APBB2: variants seen among roughly 807,000 people sequenced by gnomAD.
APBB2 encodes amyloid beta precursor protein binding family B member 2, also known as Fe65-like 1.
A neutral mutation model predicts 82.5 loss-of-function variants in APBB2; 38 were observed. The ratio of observed to expected loss-of-function variants is 0.46; its 90% confidence interval spans 0.36 to 0.60. APBB2 has a LOEUF of 0.60. Ranked by LOEUF, APBB2 falls within the 20% of genes least tolerant of loss-of-function variation. The pLI is 0.00. For missense variants in APBB2, 772 were observed against 972.3 expected, an observed-to-expected ratio of 0.79 and a Z score of 2.74; for synonymous variants, 341 against 368.2, an observed-to-expected ratio of 0.93 and a Z score of 0.85.
intron 14 of APBB2, 108 bp downstream of exon 14, chr4:40,827,024 G>T (rs906987821): frequency 5.1e-6 from 5 of 979,792 alleles, no homozygotes; most frequent in Non-Finnish European, 7.8e-6. Flanking sequence ...ACTGAGTTGA[G>T]TGTGCTCTTT....
chr4:40,893,228 A>T (rs1363094028), intron 11 of APBB2, 37 bp downstream of exon 11: 3 of 1,602,554 alleles, frequency 1.9e-6, no homozygotes, highest in Non-Finnish European at 2.6e-6. Flanking sequence ...AGGAGAACGT[A>T]AACAGCCTGC....
intron 1 of APBB2, among the ~76,000 whole-genome samples, chr4:41,160,645 A>G (rs1207287012): frequency 6.6e-6 from 1 of 152,082 alleles, no homozygotes; most frequent in Non-Finnish European, 1.5e-5. Context: ...TTTGGTGACT[A>G]ACTCCCTTCC....
At chr4:40,973,824 T>TCG (rs1179672767) in intron 6 of APBB2, among the ~76,000 whole-genome samples, 1 of 151,708 alleles carries the variant, frequency 6.6e-6, no homozygotes, top group Non-Finnish European at 1.5e-5. Flanking sequence ...TTCTCTTTCT[T>TCG]CTGTGTGTGT....
intron 2 of APBB2, among the ~76,000 whole-genome samples, chr4:41,135,134 A>G (rs1560842778): frequency 1.3e-5 from 2 of 151,392 alleles, no homozygotes; most frequent in Non-Finnish European, 2.9e-5. Flanking sequence ...CCAGAAAAAA[A>G]GCCACAGCAG....
At chr4:41,190,513 C>G (rs1002252123) in intron 1 of APBB2, among the ~76,000 whole-genome samples, 1 of 151,976 alleles carries the variant, frequency 6.6e-6, no homozygotes, top group Admixed American at 6.6e-5. Flanking sequence ...CCTCCCAAAG[C>G]TCTGGGATTA....
chr4:40,862,674 G>C (rs1052423944), intron 12 of APBB2, among the ~76,000 whole-genome samples: 1 of 152,172 alleles, frequency 6.6e-6, no homozygotes, highest in African/African-American at 2.4e-5. Context: ...GCCTGGTCAA[G>C]ATGGTGAAAC....
intron 1 of APBB2, among the ~76,000 whole-genome samples, chr4:41,174,529 G>A (rs1769234429): frequency 6.6e-6 from 1 of 152,160 alleles, no homozygotes; most frequent in African/African-American, 2.4e-5. Context: ...TGTGGTCTAG[G>A]TGGGTGCTAG....
chr4:41,211,805 A>G (rs1157225183), intron 1 of APBB2, among the ~76,000 whole-genome samples: 1 of 152,190 alleles, frequency 6.6e-6, no homozygotes, highest in East Asian at 1.9e-4. Context: ...TTTTAAAATG[A>G]AATTGAAAAA....
At chr4:40,930,468 T>C (rs1015484367) in intron 10 of APBB2, among the ~76,000 whole-genome samples, 43 of 132,190 alleles carry the variant, frequency 3.3e-4, no homozygotes, top group African/African-American at 1.1e-3. Flanking sequence ...CGCGCGCGCG[T>C]GCGCGTGCGC....
At chr4:41,021,904 C>T (rs978476578) in intron 5 of APBB2, among the ~76,000 whole-genome samples, 10 of 152,058 alleles carry the variant, frequency 6.6e-5, no homozygotes, top group Admixed American at 2.6e-4. Flanking sequence ...CAAACAACTC[C>T]GGACGCACCA....
intron 6 of APBB2, chr4:40,990,274 TTCTC>T (rs1801643315): frequency 7.0e-6 from 1 of 142,572 alleles, no homozygotes; most frequent in African/African-American, 2.6e-5. Flanking sequence ...GCTATAGGCT[TTCTC>T]TCTTTCTTCT....
intron 6 of APBB2, among the ~76,000 whole-genome samples, chr4:41,006,718 G>A (rs1287602806): frequency 7.2e-5 from 11 of 152,112 alleles, no homozygotes; most frequent in Admixed American, 1.3e-4. Context: ...CAACCTCCTC[G>A]GCCTCCGAAA....
intron 16 of APBB2, chr4:40,822,334 G>C (rs1034410453): frequency 2.9e-6 from 1 of 350,330 alleles, no homozygotes; most frequent in Non-Finnish European, 5.3e-6. Flanking sequence ...ACTGTGGGGA[G>C]GGACAGTGCC....
intron 4 of APBB2, among the ~76,000 whole-genome samples, chr4:41,059,428 GC>G (rs1337390863): frequency 6.6e-6 from 1 of 152,210 alleles, no homozygotes; most frequent in Non-Finnish European, 1.5e-5. Context: ...CCATAAACTG[GC>G]CCCAAGACTG....
intron 4 of APBB2, among the ~76,000 whole-genome samples, chr4:41,039,204 C>T (rs1328154084): frequency 6.6e-6 from 1 of 152,112 alleles, no homozygotes; most frequent in Non-Finnish European, 1.5e-5. Flanking sequence ...CAGAATAAGA[C>T]AATCTTTGTT....
intron 10 of APBB2, among the ~76,000 whole-genome samples, chr4:40,919,638 T>G (rs1578432328): frequency 6.6e-6 from 1 of 152,234 alleles, no homozygotes; most frequent in Admixed American, 6.5e-5. Flanking sequence ...TAGGTGACTC[T>G]GTCCACACAG....
chr4:41,010,581 A>G (rs1396741073), intron 6 of APBB2, among the ~76,000 whole-genome samples: 1 of 152,164 alleles, frequency 6.6e-6, no homozygotes, highest in Non-Finnish European at 1.5e-5. Context: ...GGAGTGCACA[A>G]ACTTTGCCCT....
intron 15 of APBB2, 66 bp downstream of exon 15, chr4:40,825,821 G>C: frequency 7.7e-7 from 1 of 1,294,128 alleles, no homozygotes; most frequent in South Asian, 1.2e-5. Flanking sequence ...CCTCCTCGGA[G>C]GGCGAACGCC....
intron 3 of APBB2, among the ~76,000 whole-genome samples, chr4:41,078,636 A>G (rs1736473458): frequency 6.6e-6 from 1 of 152,154 alleles, no homozygotes; most frequent in Admixed American, 6.5e-5. Flanking sequence ...GGTGAAGGGG[A>G]CCCTGGACAC....
Sources: allele counts gnomAD v4.1 joint callset (sites outside exome capture counted in the v4.1 genomes callset), GRCh38; gene constraint gnomAD v4.1.1; transcripts MANE v1.5; gene names NCBI Gene and HGNC (gene_info 2026-07-23, HGNC 2026-07-21).